Variants in BBC3 observed in about 807,000 individuals in gnomAD.
BBC3 encodes bcl-2-binding component 3.
A neutral mutation model predicts 18.2 loss-of-function variants in BBC3; 5 were observed. That is an observed-to-expected ratio of 0.27 (90% confidence interval 0.14 to 0.58). The LOEUF is 0.58. BBC3 is among the 20% of genes least tolerant of loss of function. The pLI is 0.91. For missense variants in BBC3, 224 were observed against 268.9 expected, an observed-to-expected ratio of 0.83 and a Z score of 1.17; for synonymous variants, 119 against 128.0, an observed-to-expected ratio of 0.93 and a Z score of 0.47.
At chr19:47,232,498 C>T (rs1355530509), upstream of BBC3, 1 of 1,545,326 alleles carries the variant, frequency 6.5e-7, no homozygotes, top group Non-Finnish European at 8.8e-7. Flanking sequence ...GGAGCATGCA[C>T]ACCTGGCCAC....
At position 47,228,233 on chromosome 19, in the gene BBC3, C is replaced by T. The variant is rs2058863013; in HGVS notation, c.199G>A (p.Ala67Thr). 1 of 848,044 alleles carries T rather than the reference C, an allele frequency of 1.2e-6. No individual in the cohort carries two copies. The highest frequency in any genetic ancestry group is 5.8e-5 in the South Asian group (1 of 17,346). The allele number at this position is 848,044 out of a possible 1,614,324, so 52.5% of individuals were successfully genotyped here. The part of the protein sequence containing the change: ...AYLCAPTAPP[A>T]VTAALGGSRW... ...GAACCCCCCAGGGCGGCGGTGACGG[C>T]GGGTGGGGCGGTGGGGGCGCAGAGG... The change falls in exon 2 of 4, where the codon GCC becomes ACC. Residue 67 changes from alanine to threonine, a missense_variant. Transcript: ENST00000439096. This position sits in a 1 kb window ranked among gnomAD's most constrained non-coding sequence, Gnocchi z 5.5.
At position 47,221,767 on chromosome 19, in the gene BBC3, C is replaced by A; in HGVS notation, c.*35G>T. 6.2e-7 allele frequency: 1 copy of A among 1,606,834 alleles called. No individual in the cohort carries two copies. The highest frequency in any genetic ancestry group is 8.5e-7 in the Non-Finnish European group (1 of 1,177,866). ...CAGGAGGTGGGAGGGGCCTGCCCCC[C>A]GAGTCCCTGACGTCCACCGGGCGGG... On this transcript the variant is annotated 3_prime_UTR_variant, in exon 4 of 4. Transcript: ENST00000439096.
chr19:47,224,791 C>A (rs192449843), intron 3 of BBC3, among the ~76,000 whole-genome samples: 132 of 148,384 alleles, frequency 8.9e-4, no homozygotes, highest in African/African-American at 3.2e-3. Flanking sequence ...AGTGCAGTGG[C>A]ATGATCTCCT....
intron 3 of BBC3, 126 bp downstream of exon 3, chr19:47,226,438 C>T (rs1227775409): frequency 1.1e-6 from 1 of 890,188 alleles, no homozygotes; most frequent in South Asian, 2.2e-5. Context: ...TTACCCCCCA[C>T]CTGCCTGTCC....
intron 1 of BBC3, among the ~76,000 whole-genome samples, chr19:47,229,625 C>T (rs951630148): frequency 6.6e-6 from 1 of 151,596 alleles, no homozygotes; most frequent in Non-Finnish European, 1.5e-5. Flanking sequence ...CAGCCGATCA[C>T]AGTGACAAGC....
chr19:47,227,406 A>T (rs951233014), intron 2 of BBC3, among the ~76,000 whole-genome samples: 1 of 145,398 alleles, frequency 6.9e-6, no homozygotes, highest in Non-Finnish European at 1.5e-5. Context: ...GCCTACAGCC[A>T]GGGCCTCAGT....
rs10647392 is a variant in BBC3 at position 47,221,426 on chromosome 19, G to GCCCC, written c.*372_*375dup. On this transcript the variant is annotated 3_prime_UTR_variant, in exon 4 of 4. Transcript: ENST00000439096. ...AGAGTGAAGGAGCACCGAGAGGAGAGCCCCCCCCTCCCAGTGTCACCCCTG... is the reference window on the plus strand; with the variant it reads ...AGAGTGAAGGAGCACCGAGAGGAGAGCCCCCCCCCCCCTCCCAGTGTCACCCCTG... 13 of 170,002 alleles carry GCCCC rather than the reference G, an allele frequency of 7.6e-5. 1 individual carries two copies. The East Asian group carries it at 8.1e-4, about 11-fold the overall frequency. The allele number at this position is 170,002 out of a possible 1,614,324, so 10.5% of individuals were successfully genotyped here. A position where few individuals can be genotyped will look rare whatever the true frequency, so the allele number is the denominator to read the frequency against.
chr19:47,221,953 G>C, intron 3 of BBC3, 35 bp from the exon 4 acceptor site: 1 of 1,560,768 alleles, frequency 6.4e-7, no homozygotes, highest in Non-Finnish European at 8.7e-7. Context: ...AGTTAGCAGG[G>C]GACTGAGTAT....
rs151082209 is a variant in BBC3 at position 47,223,552 on chromosome 19, G to A, written c.466-1634C>T. Among the ~76,000 whole-genome samples, 1,076 of 152,194 alleles carry A rather than the reference G, an allele frequency of 7.1e-3. 10 individuals carry two copies. Among genetic ancestry groups the A allele is most frequent in the African/African-American group, 0.025 (1,040 of 41,506 alleles). On this transcript the variant is annotated intron_variant, in intron 3 of 3. Coordinates refer to ENST00000439096, the MANE Select transcript of BBC3 (RefSeq NM_014417.5). ...ACTGCACTCCAGCCTGGGCAACAGA[G>A]CAAGACTCCGTGTCAAAAAAAAAAT...
Position 47,230,698 on chromosome 19 carries a change from C to G in BBC3, c.-16+231G>C. On this transcript the variant is annotated intron_variant, in intron 1 of 3. Coordinates refer to ENST00000439096, the MANE Select transcript of BBC3 (RefSeq NM_014417.5). The surrounding 1 kb of genome is among the most constrained non-coding windows in gnomAD (Gnocchi z 6.7). ...GAGCCCGCACCCCATTGTTTGTAAA[C>G]AAACCCGCCAGACCGCCGAGGCACC... 16 of 983,822 alleles carry G rather than the reference C, an allele frequency of 1.6e-5. No homozygotes were observed. The highest frequency in any genetic ancestry group is 1.9e-5 in the Non-Finnish European group (16 of 828,568). 60.9% of individuals were successfully genotyped at this position (983,822 alleles called of 1,614,324 possible).
chr19:47,230,864 C>T lies in BBC3; in HGVS notation c.-16+65G>A, dbSNP rs1483222367. ...CTCTCCGCCTGCACTCCTGTCACCT[C>T]CTCCAGGGAGTCCACCCGGCCTGGC... On this transcript the variant is annotated intron_variant, in intron 1 of 3. Coordinates refer to ENST00000439096, the MANE Select transcript of BBC3 (RefSeq NM_014417.5). The surrounding 1 kb of genome is among the most constrained non-coding windows in gnomAD (Gnocchi z 6.7). 1.0e-6 allele frequency: 1 copy of T among 982,264 alleles called. No individual in the cohort carries two copies. Among genetic ancestry groups the T allele is most frequent in the African/African-American group, 1.8e-5 (1 of 57,136 alleles). The allele number at this position is 982,264 out of a possible 1,614,324, so 60.8% of individuals were successfully genotyped here.
intron 2 of BBC3, chr19:47,227,144 G>A (rs1363302957): frequency 1.8e-5 from 3 of 164,530 alleles, no homozygotes; most frequent in African/African-American, 7.2e-5. Context: ...GGGATACAGT[G>A]ACTGACCCCA....
In BBC3 at chr19:47,228,070, C is replaced by G. The variant is rs898349103; in HGVS notation, c.274+88G>C. 4 of 1,073,480 alleles carry G rather than the reference C, an allele frequency of 3.7e-6. No homozygotes were observed. Among genetic ancestry groups the G allele is most frequent in the Middle Eastern group, 3.5e-4 (1 of 2,850 alleles). The allele number at this position is 1,073,480 out of a possible 1,614,324, so 66.5% of individuals were successfully genotyped here. ...CCCGGCTGGGCCCGCCACCTCCCCCCGTCCTCTCCCACTTCTCCAGTTCCT... is the reference window on the plus strand; with the variant it reads ...CCCGGCTGGGCCCGCCACCTCCCCCGGTCCTCTCCCACTTCTCCAGTTCCT... On this transcript the variant is annotated intron_variant, in intron 2 of 3. Coordinates refer to ENST00000439096, the MANE Select transcript of BBC3 (RefSeq NM_014417.5). The surrounding 1 kb of genome is among the most constrained non-coding windows in gnomAD (Gnocchi z 5.5).
At chr19:47,231,290 CGTGA>C, upstream of BBC3, 1 of 760,036 alleles carries the variant, frequency 1.3e-6, no homozygotes, top group Non-Finnish European at 1.6e-6. The surrounding 1 kb of genome is among the most constrained non-coding windows in gnomAD (Gnocchi z 4.0). Flanking sequence ...CCCGCCCCCG[CGTGA>C]CGCTACGGCC....
intron 3 of BBC3, among the ~76,000 whole-genome samples, chr19:47,225,347 C>A (rs1057365312): frequency 4.6e-5 from 7 of 150,984 alleles, no homozygotes; most frequent in Non-Finnish European, 1.0e-4. Context: ...TGCACCAGGC[C>A]GAAAATGGCT....
At chr19:47,224,584 C>T (rs2058788764) in intron 3 of BBC3, among the ~76,000 whole-genome samples, 1 of 152,068 alleles carries the variant, frequency 6.6e-6, no homozygotes, top group South Asian at 2.1e-4. Context: ...TGTGATTGAA[C>T]CACGGCACTC....
Position 47,221,788 on chromosome 19 carries a change from G to C in BBC3, c.*14C>G. On this transcript the variant is annotated 3_prime_UTR_variant, in exon 4 of 4. Transcript: ENST00000439096. ...CCCCCGAGTCCCTGACGTCCACCGG[G>C]CGGGTGCAGGCACCTAATTGGGCTC... 1 of 1,610,352 alleles carries C rather than the reference G, an allele frequency of 6.2e-7. No individual in the cohort carries two copies. The highest frequency in any genetic ancestry group is 8.5e-7 in the Non-Finnish European group (1 of 1,178,962).
chr19:47,227,414 AGTTTCCACATCTGTGACCTT>A (rs1325508288), intron 2 of BBC3, among the ~76,000 whole-genome samples: 1 of 148,132 alleles, frequency 6.8e-6, no homozygotes, highest in African/African-American at 2.5e-5. Context: ...CCAGGGCCTC[AGTTTCCACATCTGTGACCTT>A]GGCCTTGAAA....
At position 47,229,758 on chromosome 19, in the gene BBC3, C is replaced by G. The variant is rs78449740; in HGVS notation, c.-16+1171G>C. Among the ~76,000 whole-genome samples, 64 of 152,042 alleles carry G rather than the reference C, an allele frequency of 4.2e-4. No individual in the cohort carries two copies. The East Asian group carries it at 0.012, about 29-fold the overall frequency. ...AGATCCTGGGTCCTCAAATCCCAGA[C>G]GCTGATGCCAGACACACAAGCCAAA... is the stretch of plus-strand genomic sequence containing the variant. On this transcript the variant is annotated intron_variant, in intron 1 of 3. Transcript: ENST00000439096.
Sources: gnomAD v4.1 joint callset for allele counts (sites outside exome capture counted in the v4.1 genomes callset) on GRCh38, gnomAD v4.1.1 for gene constraint, Gnocchi (gnomAD v3.1) non-coding constraint, MANE v1.5 for transcripts, NCBI Gene and HGNC (gene_info 2026-07-23, HGNC 2026-07-21) for gene names.